Variants in RAB12 observed in about 807,000 individuals in gnomAD.
RAB12 encodes ras-related protein Rab-12.
RAB12 carries 11 observed loss-of-function variants against 28.4 expected under a neutral mutation model. The observed-to-expected ratio is 0.39, with a 90% CI of 0.24 to 0.64. The LOEUF is 0.64. Among genes scored for constraint, RAB12 ranks in the 30% least tolerant of loss-of-function variants. RAB12 has a pLI of 0.50. For missense variants in RAB12, 276 were observed against 351.1 expected, an observed-to-expected ratio of 0.79 and a Z score of 1.71; for synonymous variants, 138 against 145.3, an observed-to-expected ratio of 0.95 and a Z score of 0.36.
intron 2 of RAB12, among the ~76,000 whole-genome samples, chr18:8,627,712 C>A (rs1187922565): frequency 6.6e-6 from 1 of 152,178 alleles, no homozygotes; most frequent in African/African-American, 2.4e-5. Flanking sequence ...TTGCCTCTTA[C>A]CTTTAGGCAA....
At chr18:8,614,508 A>AAAAAAAAAAAG (rs897624669) in intron 1 of RAB12, among the ~76,000 whole-genome samples, 1 of 142,200 alleles carries the variant, frequency 7.0e-6, no homozygotes, top group Non-Finnish European at 1.6e-5. Flanking sequence ...AGAACATTAA[A>AAAAAAAAAAAG]AAAAAAAAAA....
intron 1 of RAB12, among the ~76,000 whole-genome samples, chr18:8,619,510 CAG>C (rs2096008588): frequency 6.6e-6 from 1 of 152,212 alleles, no homozygotes; most frequent in Non-Finnish European, 1.5e-5. Flanking sequence ...AGGCAGAGCG[CAG>C]AGTCAGGCCT....
Position 8,638,200 on chromosome 18 carries a change from C to A in RAB12, c.961C>A (p.Gln321Lys), listed in dbSNP as rs1027819367. The change falls in exon 6 of 6, where the codon CAA (glutamine) becomes AAA (lysine). Residue 321 changes from glutamine (Q) to lysine (K), a missense_variant. By Grantham distance (53) the Gln-to-Lys change is moderately conservative (BLOSUM62 1). Around this residue, in one of 4 missense-constraint regions of RAB12, gnomAD observed 127 missense variants for 161.4 expected, o/e 0.79. Coordinates refer to ENST00000649141, the MANE Select transcript of RAB12 (RefSeq NM_001025300.3). ...GTTGTCCAATAGTATCCTGTCGTTA[C>A]AACCAGAGCCTGAGATACCGCCAGA... ...NELSNSILSL[Q>K]PEPEIPPELP... 1.9e-6 allele frequency: 3 copies of A among 1,613,714 alleles called. No homozygotes were observed. Among genetic ancestry groups the A allele is most frequent in the South Asian group, 1.1e-5 (1 of 91,056 alleles).
rs532225832 is a variant in RAB12, at chr18:8,610,016, C to T, written c.514+63C>T. 7.3e-5 allele frequency: 96 copies of T among 1,307,994 alleles called. No homozygotes were observed. The Middle Eastern group carries it at 6.4e-3, about 88-fold the overall frequency. The allele number at this position is 1,307,994 out of a possible 1,614,324, so 81.0% of individuals were successfully genotyped here. On this transcript the variant is annotated intron_variant, in intron 1 of 5. Coordinates refer to ENST00000649141, the MANE Select transcript of RAB12 (RefSeq NM_001025300.3). ...GCGCCCGGGCAGGTGCCCTTCGCCC[C>T]GTGGGCTTCGAGTCTCATCGAGCCT...
At chr18:8,623,834 G>T (rs2096011218) in intron 1 of RAB12, among the ~76,000 whole-genome samples, 3 of 152,244 alleles carry the variant, frequency 2.0e-5, no homozygotes, top group Admixed American at 2.0e-4. Flanking sequence ...TCTCTCCTAG[G>T]GCAGGAGGGC....
chr18:8,636,278 G>T lies in RAB12; in HGVS notation c.830G>T (p.Arg277Leu). ...EKFAQQITGM[R>L]FCEASAKDNF... is the part of the protein sequence containing the mutation. ...TTTGCACAGCAGATCACTGGGATGC[G>T]GTTCTGTGAAGCAAGTGCCAAGGAT... is the stretch of plus-strand genomic sequence containing the variant. The change falls in exon 5 of 6, where the codon CGG (arginine) becomes CTG (leucine). Residue 277 changes from arginine (R) to leucine (L), a missense_variant. Arg to Leu is a moderately radical substitution (Grantham distance 102). Transcript: ENST00000649141. The T allele has an allele frequency of 6.2e-7, 1 of 1,613,404 alleles. No individual in the cohort carries two copies. The highest frequency in any genetic ancestry group is 8.5e-7 in the Non-Finnish European group (1 of 1,179,386).
intron 1 of RAB12, among the ~76,000 whole-genome samples, chr18:8,611,803 C>G (rs929270149): frequency 6.6e-6 from 1 of 152,136 alleles, no homozygotes; most frequent in Non-Finnish European, 1.5e-5. Flanking sequence ...ATGCACTTAC[C>G]CGAGCACATA....
chr18:8,613,091 TAATC>T (rs1262007016), intron 1 of RAB12, among the ~76,000 whole-genome samples: 15 of 152,244 alleles, frequency 9.9e-5, no homozygotes, highest in Admixed American at 9.8e-4. Flanking sequence ...TTTGTATTGT[TAATC>T]AAATCAGAAA....
intron 4 of RAB12, 93 bp from the exon 5 acceptor site, chr18:8,636,160 G>A: frequency 1.2e-6 from 1 of 803,962 alleles, no homozygotes. Flanking sequence ...CTTAATCCCA[G>A]CCCTTCCCTT....
At chr18:8,617,750 G>A (rs1162423176) in intron 1 of RAB12, among the ~76,000 whole-genome samples, 2 of 152,142 alleles carry the variant, frequency 1.3e-5, no homozygotes, top group Non-Finnish European at 2.9e-5. Flanking sequence ...ACAGGGAGGA[G>A]CACAGCCGGG....
At chr18:8,615,974 G>A (rs12455219) in intron 1 of RAB12, among the ~76,000 whole-genome samples, 25 of 152,280 alleles carry the variant, frequency 1.6e-4, no homozygotes, top group African/African-American at 5.3e-4. Context: ...GCTGTAGAAG[G>A]CAGAGTAGGT....
intron 1 of RAB12, among the ~76,000 whole-genome samples, chr18:8,618,742 G>C (rs1004874217): frequency 6.6e-6 from 1 of 152,140 alleles, no homozygotes; most frequent in Non-Finnish European, 1.5e-5. Flanking sequence ...TTGATCTCCT[G>C]ATCTCGTGAT....
At chr18:8,627,223 C>T (rs9949275) in intron 2 of RAB12, among the ~76,000 whole-genome samples, 18,267 of 152,244 alleles carry the variant, frequency 0.12, 1,309 homozygotes, top group Admixed American at 0.17. Context: ...CGTCGTTTCA[C>T]TCTCATCCAT....
chr18:8,631,345 A>G (rs1011394981), intron 2 of RAB12, among the ~76,000 whole-genome samples: 2 of 152,234 alleles, frequency 1.3e-5, no homozygotes, highest in Admixed American at 1.3e-4. Context: ...ATAACAGCCT[A>G]CCATAGAGGT....
intron 2 of RAB12, among the ~76,000 whole-genome samples, chr18:8,626,758 C>A (rs938310346): frequency 6.6e-6 from 1 of 152,232 alleles, no homozygotes; most frequent in Non-Finnish European, 1.5e-5. Flanking sequence ...CTCCAAATGA[C>A]CCCTCTCCCT....
At position 8,609,920 on chromosome 18, in the gene RAB12, G is replaced by A; in HGVS notation, c.481G>A (p.Asp161Asn). 1 of 1,609,402 alleles carries A rather than the reference G, an allele frequency of 6.2e-7. No homozygotes were observed. Among genetic ancestry groups the A allele is most frequent in the Non-Finnish European group, 8.5e-7 (1 of 1,178,266 alleles). ...KTSLMERFTD[D>N]TFCEACKSTV... is the part of the protein sequence containing the mutation. ...CAGCCTGATGGAGCGCTTCACCGAC[G>A]ACACCTTCTGCGAGGCCTGCAAGTC... is the stretch of plus-strand genomic sequence containing the variant. The change falls in exon 1 of 6, where the codon GAC (aspartate) becomes AAC (asparagine). Residue 161 changes from aspartate (D) to asparagine (N), a missense_variant. Transcript: ENST00000649141.
chr18:8,611,878 A>G (rs1053387846), intron 1 of RAB12, among the ~76,000 whole-genome samples: 3 of 152,238 alleles, frequency 2.0e-5, no homozygotes, highest in Non-Finnish European at 4.4e-5. Context: ...CATGTAGCCT[A>G]TAATACTTAG....
At chr18:8,629,548 A>G (rs2096014732) in intron 2 of RAB12, among the ~76,000 whole-genome samples, 1 of 152,202 alleles carries the variant, frequency 6.6e-6, no homozygotes, top group Non-Finnish European at 1.5e-5. Flanking sequence ...GGTAGACAGA[A>G]ACATACCCAC....
intron 5 of RAB12, among the ~76,000 whole-genome samples, chr18:8,637,533 C>CT (rs1350854277): frequency 6.6e-6 from 1 of 152,002 alleles, no homozygotes; most frequent in Non-Finnish European, 1.5e-5. Context: ...ATTTTAATGT[C>CT]TAATTGATCT....
Sources: allele counts gnomAD v4.1 joint callset (sites outside exome capture counted in the v4.1 genomes callset), GRCh38; gene constraint gnomAD v4.1.1; regional missense constraint gnomAD v4.1.1; transcripts MANE v1.5; gene names NCBI Gene and HGNC (gene_info 2026-07-23, HGNC 2026-07-21).